MFN1: variants seen among roughly 807,000 people sequenced by gnomAD.
MFN1 encodes mitofusin 1.
MFN1 carries 65 observed loss-of-function variants against 92.4 expected under a neutral mutation model. The observed-to-expected ratio is 0.70, with a 90% confidence interval of 0.58 to 0.86. The LOEUF (loss-of-function observed/expected upper bound fraction) is 0.86, where lower values mean the gene tolerates loss of function less well. Ranked by LOEUF, MFN1 falls within the 40% of genes least tolerant of loss-of-function variation. The probability of loss-of-function intolerance (pLI) is 0.00; values close to 1 mark genes in which losing one functional copy is unlikely to be tolerated. For missense variants in MFN1, 781 were observed against 868.0 expected, an observed-to-expected ratio of 0.90 and a Z score of 1.26; for synonymous variants, 297 against 300.9, an observed-to-expected ratio of 0.99 and a Z score of 0.13.
chr3:179,378,218 C>CAAA (rs35435588), intron 12 of MFN1, 123 bp from the exon 13 acceptor site: 534 of 620,542 alleles, frequency 8.6e-4, no homozygotes, highest in African/African-American at 2.5e-3. Context: ...GACCCTGTCT[C>CAAA]AAAAAAAAAA....
intron 9 of MFN1, among the ~76,000 whole-genome samples, chr3:179,372,001 C>T (rs1713038219): frequency 6.8e-6 from 1 of 147,374 alleles, no homozygotes; most frequent in Admixed American, 6.8e-5. Flanking sequence ...ATATGGGGGT[C>T]ATACATTTTA....
intron 3 of MFN1, among the ~76,000 whole-genome samples, chr3:179,356,846 A>G (rs1318717111): frequency 6.6e-6 from 1 of 152,172 alleles, no homozygotes; most frequent in Non-Finnish European, 1.5e-5. Flanking sequence ...CACCCAATGT[A>G]TGCAGCAAGT....
intron 3 of MFN1, among the ~76,000 whole-genome samples, chr3:179,358,464 C>T (rs1712434723): frequency 6.6e-6 from 1 of 152,066 alleles, no homozygotes. Flanking sequence ...CCCACTGTCA[C>T]TTCTGATGTG....
chr3:179,393,124 A>G lies in MFN1; in HGVS notation c.*1065A>G, dbSNP rs1713972337. The stretch of plus-strand genomic sequence containing the variant: ...CATTCATTTCAGTTATTTCTGATCC[A>G]TAAATATAACATTTACAAAATTCTT... On this transcript the variant is annotated 3_prime_UTR_variant, in exon 18 of 18. Coordinates refer to ENST00000471841, the MANE Select transcript of MFN1 (RefSeq NM_033540.3). 6.6e-6 allele frequency: 1 copy of G among 152,204 alleles called. No homozygotes were observed. Among genetic ancestry groups the G allele is most frequent in the South Asian group, 2.1e-4 (1 of 4,832 alleles). The allele number at this position is 152,204 out of a possible 1,614,324, so 9.4% of individuals were successfully genotyped here.
At chr3:179,355,207 C>T (rs1481621165) in intron 3 of MFN1, among the ~76,000 whole-genome samples, 1 of 152,112 alleles carries the variant, frequency 6.6e-6, no homozygotes, top group South Asian at 2.1e-4. Context: ...GCAGTGAGGA[C>T]GACCAGAGGT....
chr3:179,381,041 TC>T (rs1405189006), intron 14 of MFN1, among the ~76,000 whole-genome samples: 1 of 152,222 alleles, frequency 6.6e-6, no homozygotes, highest in Non-Finnish European at 1.5e-5. Context: ...AGTTGTTCAT[TC>T]ATTAACTGAT....
rs1233479219 is a variant in MFN1, at chr3:179,359,067, A to T, written c.411+65A>T. On this transcript the variant is annotated intron_variant, in intron 4 of 17. Coordinates refer to ENST00000471841, the MANE Select transcript of MFN1 (RefSeq NM_033540.3). ...CAATGTCCTGAACTTATTCTTTAAT[A>T]ACATTTTTATAAGATGTCTGCATCG... 4.9e-6 allele frequency: 7 copies of T among 1,440,550 alleles called. No individual in the cohort carries two copies. The East Asian group carries it at 1.4e-4, about 29-fold the overall frequency. The allele number at this position is 1,440,550 out of a possible 1,614,324, so 89.2% of individuals were successfully genotyped here. A position where few individuals can be genotyped will look rare whatever the true frequency, so the allele number is the denominator to read the frequency against.
At chr3:179,390,274 C>A in intron 17 of MFN1, 136 bp downstream of exon 17, 1 of 796,282 alleles carries the variant, frequency 1.3e-6, no homozygotes, top group Non-Finnish European at 1.8e-6. Flanking sequence ...ATATTTAATT[C>A]CATGTGGTTT....
At chr3:179,365,367 T>C in intron 7 of MFN1, 142 bp downstream of exon 7, 1 of 528,140 alleles carries the variant, frequency 1.9e-6, no homozygotes. Flanking sequence ...CTGAAGTAGG[T>C]ATGTGATAAA....
chr3:179,373,860 A>T (rs1488826561), intron 9 of MFN1, among the ~76,000 whole-genome samples: 1 of 151,834 alleles, frequency 6.6e-6, no homozygotes, highest in Non-Finnish European at 1.5e-5. Flanking sequence ...TTTTTAGTAG[A>T]GATGGGGTTT....
rs1409375562 is a variant in MFN1 at position 179,393,718 on chromosome 3, G to A, written c.*1659G>A. Reference sequence around the variant, plus strand: ...ATGGAAAAACAGTGTCTAAGATCACGTACTGCTAATTTAGGTTACAAAACT... The same window carrying A: ...ATGGAAAAACAGTGTCTAAGATCACATACTGCTAATTTAGGTTACAAAACT... On this transcript the variant is annotated 3_prime_UTR_variant, in exon 18 of 18. Transcript: ENST00000471841. The A allele has an allele frequency of 2.0e-5, 3 of 152,186 alleles. No individual in the cohort carries two copies. The highest frequency in any genetic ancestry group is 1.9e-4 in the East Asian group (1 of 5,194). The allele number at this position is 152,186 out of a possible 1,614,324, so 9.4% of individuals were successfully genotyped here.
Position 179,362,410 on chromosome 3 carries a change from G to C in MFN1, c.464G>C (p.Gly155Ala). The change falls in exon 5 of 18, where the codon GGC (glycine) becomes GCC (alanine). Residue 155 changes from glycine (G) to alanine (A), a missense_variant. By Grantham distance (60) the Gly-to-Ala change is moderately conservative. Coordinates refer to ENST00000471841, the MANE Select transcript of MFN1 (RefSeq NM_033540.3). ...ALHMDKDLKAGCLVRVFWPKA... is the reference protein window; with the variant it reads ...ALHMDKDLKAACLVRVFWPKA... ...CACATGGACAAAGATTTGAAAGCTG[G>C]CTGTCTTGTACGTGTGTTTTGGCCA... is the stretch of plus-strand genomic sequence containing the variant. 6.2e-7 allele frequency: 1 copy of C among 1,613,462 alleles called. No individual in the cohort carries two copies. Among genetic ancestry groups the C allele is most frequent in the East Asian group, 2.2e-5 (1 of 44,862 alleles).
intron 14 of MFN1, among the ~76,000 whole-genome samples, chr3:179,379,159 G>C (rs539382399): frequency 6.6e-6 from 1 of 151,988 alleles, no homozygotes; most frequent in African/African-American, 2.4e-5. Flanking sequence ...TCTTTTCCAC[G>C]TATGCCCAAA....
In MFN1 at chr3:179,375,290, C is replaced by G; in HGVS notation, c.1046C>G (p.Ala349Gly). The change falls in exon 10 of 18, where the codon GCT (alanine) becomes GGT (glycine). Residue 349 changes from alanine (A) to glycine (G), a missense_variant. By Grantham distance (60) the Ala-to-Gly change is moderately conservative (BLOSUM62 0). Transcript: ENST00000471841. The stretch of plus-strand genomic sequence containing the variant: ...ACTATCAGAGCTAAACAGATACTAG[C>G]TACTGTGAAAAACATAATGGATTCA... ...QHTIRAKQIL[A>G]TVKNIMDSVN... 1 of 1,613,820 alleles carries G rather than the reference C, an allele frequency of 6.2e-7. No homozygotes were observed. Among genetic ancestry groups the G allele is most frequent in the Non-Finnish European group, 8.5e-7 (1 of 1,179,870 alleles).
chr3:179,366,940 T>C (rs993042953), intron 7 of MFN1, among the ~76,000 whole-genome samples: 6 of 152,316 alleles, frequency 3.9e-5, no homozygotes, highest in Middle Eastern at 3.4e-3. Context: ...CTTAACTTTG[T>C]TTTTTGAGAC....
chr3:179,376,932 T>C, intron 10 of MFN1, 110 bp from the exon 11 acceptor site: 1 of 1,043,464 alleles, frequency 9.6e-7, no homozygotes, highest in Non-Finnish European at 1.3e-6. Context: ...AAGTTTTTTT[T>C]TTCCTTGAGT....
chr3:179,391,443 C>T (rs1713897631), intron 17 of MFN1, among the ~76,000 whole-genome samples: 2 of 152,060 alleles, frequency 1.3e-5, no homozygotes, highest in Non-Finnish European at 2.9e-5. Context: ...TGTGCTAACG[C>T]TGCAGGAGAG....
At chr3:179,357,577 T>C (rs1265119717) in intron 3 of MFN1, among the ~76,000 whole-genome samples, 2 of 152,142 alleles carry the variant, frequency 1.3e-5, no homozygotes, top group Non-Finnish European at 2.9e-5. Context: ...GTAAAACATA[T>C]GCCGAAAAGA....
rs746280272 is a variant in MFN1, at chr3:179,348,991, A to G, written c.112+28A>G. The G allele has an allele frequency of 9.7e-6, 15 of 1,548,858 alleles. No individual in the cohort carries two copies. In the Admixed American group the frequency reaches 2.2e-4, roughly 22 times the overall value. On this transcript the variant is annotated intron_variant, in intron 2 of 17. Coordinates refer to ENST00000471841, the MANE Select transcript of MFN1 (RefSeq NM_033540.3). ...TAGTTCTTCTTAAGTTTTTAAAGTA[A>G]TTACTGTTGAAAATATATAAAAGTG...
Sources: allele counts gnomAD v4.1 joint callset (sites outside exome capture counted in the v4.1 genomes callset), GRCh38; gene constraint gnomAD v4.1.1; transcripts MANE v1.5; gene names NCBI Gene and HGNC (gene_info 2026-07-23, HGNC 2026-07-21).